FALEC: variants seen among roughly 807,000 people sequenced by gnomAD.
The protein encoded by FALEC is focally amplified lncRNA regulator of ECM1.
chr1:150,528,607 A>C, the FALEC span, among the ~76,000 whole-genome samples: 2 of 145,918 alleles, frequency 1.4e-5, no homozygotes, highest in South Asian at 4.3e-4. Context: ...TTTGAGATGG[A>C]GTCTCACTCT....
chr1:150,523,580 G>T, the FALEC span, among the ~76,000 whole-genome samples: 9 of 151,348 alleles, frequency 5.9e-5, no homozygotes, highest in Admixed American at 5.9e-4. Context: ...CGTGAACCCG[G>T]GAGGCAGAGG....
the FALEC span, among the ~76,000 whole-genome samples, chr1:150,525,847 T>TAATA: frequency 6.6e-6 from 1 of 152,178 alleles, no homozygotes; most frequent in Non-Finnish European, 1.5e-5. Flanking sequence ...CTTGCTGTAT[T>TAATA]GCCCAGGCTG....
At chr1:150,532,126 C>A in the FALEC span, among the ~76,000 whole-genome samples, 1 of 152,230 alleles carries the variant, frequency 6.6e-6, no homozygotes, top group South Asian at 2.1e-4. Flanking sequence ...CCAGGATGGT[C>A]TTGATCTCCT....
downstream of FALEC, among the ~76,000 whole-genome samples, chr1:150,519,848 GTC>G (rs762620966): frequency 8.1e-5 from 12 of 148,282 alleles, no homozygotes; most frequent in Non-Finnish European, 1.3e-4. Context: ...GCGAAACTCT[GTC>G]TCAAAAAATA....
the FALEC span, among the ~76,000 whole-genome samples, chr1:150,530,535 G>C: frequency 6.6e-6 from 1 of 152,130 alleles, no homozygotes; most frequent in Non-Finnish European, 1.5e-5. Flanking sequence ...CTCACTAAGT[G>C]CTGGTTATTA....
chr1:150,534,666 A>G, the FALEC span, among the ~76,000 whole-genome samples: 6 of 151,942 alleles, frequency 3.9e-5, no homozygotes, highest in South Asian at 6.2e-4. Context: ...ACATGGTGAA[A>G]CCCCGTCTGT....
chr1:150,535,471 T>A, the FALEC span, among the ~76,000 whole-genome samples: 1 of 152,246 alleles, frequency 6.6e-6, no homozygotes, highest in Non-Finnish European at 1.5e-5. Flanking sequence ...CTCGAACTCG[T>A]GAGCTCATGC....
the FALEC span, among the ~76,000 whole-genome samples, chr1:150,523,776 G>A: frequency 4.6e-5 from 7 of 152,148 alleles, no homozygotes; most frequent in Admixed American, 2.6e-4. Context: ...CCTGGAAACC[G>A]TGAATTTTAT....
chr1:150,536,664 C>CCACA, the FALEC span, among the ~76,000 whole-genome samples: 6 of 152,168 alleles, frequency 3.9e-5, no homozygotes, highest in Non-Finnish European at 7.3e-5. Flanking sequence ...GTGGCAGGAC[C>CCACA]TGTGGTTCCA....
At chr1:150,520,051 A>C (rs1479084018), downstream of FALEC, among the ~76,000 whole-genome samples, 3 of 152,132 alleles carry the variant, frequency 2.0e-5, no homozygotes, top group Non-Finnish European at 4.4e-5. Flanking sequence ...CAGGAGGCTG[A>C]GGCAGGAGAA....
chr1:150,530,677 A>G, the FALEC span, among the ~76,000 whole-genome samples: 1 of 152,190 alleles, frequency 6.6e-6, no homozygotes, highest in East Asian at 1.9e-4. Context: ...TCCAGTGTCC[A>G]GTGGCTCTAC....
the FALEC span, among the ~76,000 whole-genome samples, chr1:150,526,476 T>C: frequency 6.6e-6 from 1 of 151,894 alleles, no homozygotes; most frequent in Non-Finnish European, 1.5e-5. Flanking sequence ...TGGGAGTACA[T>C]GCTTGAGCTA....
the FALEC span, among the ~76,000 whole-genome samples, chr1:150,525,838 T>G: frequency 6.6e-6 from 1 of 152,140 alleles, no homozygotes; most frequent in Non-Finnish European, 1.5e-5. Context: ...GACAGAGGTC[T>G]TGCTGTATTG....
the FALEC span, among the ~76,000 whole-genome samples, chr1:150,534,178 A>G: frequency 1.3e-5 from 2 of 152,120 alleles, no homozygotes; most frequent in African/African-American, 4.8e-5. Context: ...CTCAACTCTG[A>G]GGAGCTGGTC....
chr1:150,522,416 A>G (rs1421738175), downstream of FALEC, among the ~76,000 whole-genome samples: 1 of 152,226 alleles, frequency 6.6e-6, no homozygotes, highest in Non-Finnish European at 1.5e-5. Flanking sequence ...CAAGGTCAGG[A>G]GTTCAAGACC....
the FALEC span, among the ~76,000 whole-genome samples, chr1:150,525,388 C>A: frequency 6.6e-6 from 1 of 152,108 alleles, no homozygotes; most frequent in Non-Finnish European, 1.5e-5. Flanking sequence ...TCGCTTGAAC[C>A]TGGTAGATCA....
downstream of FALEC, among the ~76,000 whole-genome samples, chr1:150,522,947 G>GTA (rs1670671925): frequency 4.3e-4 from 6 of 13,866 alleles, no homozygotes; most frequent in African/African-American, 2.0e-3. Context: ...GTGTGTGTGT[G>GTA]TGTATATATA....
chr1:150,529,578 G>A, the FALEC span, among the ~76,000 whole-genome samples: 3 of 152,066 alleles, frequency 2.0e-5, no homozygotes, highest in Non-Finnish European at 2.9e-5. Context: ...AGGGCCCATG[G>A]AAAGATTTGT....
chr1:150,521,509 A>T (rs1197795451), downstream of FALEC, among the ~76,000 whole-genome samples: 1 of 152,202 alleles, frequency 6.6e-6, no homozygotes, highest in Non-Finnish European at 1.5e-5. Context: ...TCATTTGGAT[A>T]TCTTCTGTGA....
Sources: gnomAD v4.1 joint callset for allele counts (sites outside exome capture counted in the v4.1 genomes callset) on GRCh38, gnomAD v4.1.1 for gene constraint, MANE v1.5 for transcripts, NCBI Gene and HGNC (gene_info 2026-07-23, HGNC 2026-07-21) for gene names.